The following PTPRG variants were observed in gnomAD, a reference collection of about 807,000 sequenced individuals.
PTPRG encodes receptor-type tyrosine-protein phosphatase gamma.
PTPRG carries 102 observed loss-of-function variants against 165.3 expected under a neutral mutation model. The observed-to-expected ratio is 0.62, with a 90% CI of 0.53 to 0.73. The LOEUF is 0.73. Among genes scored for constraint, PTPRG ranks in the 30% least tolerant of loss-of-function variants. PTPRG has a pLI of 0.00. For missense variants in PTPRG, 1,866 were observed against 1,861.4 expected (o/e 1.00, Z -0.05); for synonymous variants, 675 against 669.5 (o/e 1.01, Z -0.13).
At chr3:61,954,465 C>G (rs2039988482) in intron 2 of PTPRG, among the ~76,000 whole-genome samples, 1 of 152,250 alleles carries the variant, frequency 6.6e-6, no homozygotes, top group African/African-American at 2.4e-5. Flanking sequence ...ACCATCTGCT[C>G]TCATCACTTT....
intron 1 of PTPRG, among the ~76,000 whole-genome samples, chr3:61,627,437 T>A (rs1474532765): frequency 6.6e-6 from 1 of 152,212 alleles, no homozygotes; most frequent in Non-Finnish European, 1.5e-5. Context: ...CATAATGACT[T>A]ACCTGTGTTC....
intron 1 of PTPRG, among the ~76,000 whole-genome samples, chr3:61,625,278 A>G (rs1027262380): frequency 2.3e-5 from 3 of 127,770 alleles, no homozygotes; most frequent in Non-Finnish European, 5.0e-5. Context: ...TTATCAGTCA[A>G]ACTTTAGTCT....
At chr3:62,184,974 C>A (rs972043763) in intron 8 of PTPRG, among the ~76,000 whole-genome samples, 1 of 148,454 alleles carries the variant, frequency 6.7e-6, no homozygotes, top group Non-Finnish European at 1.5e-5. Flanking sequence ...GACTTTCAGA[C>A]AGAGCATATC....
intron 1 of PTPRG, among the ~76,000 whole-genome samples, chr3:61,616,397 A>C (rs116402706): frequency 0.016 from 2,467 of 152,270 alleles, 64 homozygotes; most frequent in African/African-American, 0.056. Flanking sequence ...TAACATTCAC[A>C]AGTTCAACAA....
chr3:62,221,698 T>C (rs1220894273), intron 13 of PTPRG, among the ~76,000 whole-genome samples: 1 of 152,220 alleles, frequency 6.6e-6, no homozygotes, highest in Non-Finnish European at 1.5e-5. Flanking sequence ...GATCATTTCT[T>C]CAGGAGGCAG....
At chr3:62,184,425 C>T (rs770033938) in intron 8 of PTPRG, among the ~76,000 whole-genome samples, 1 of 152,176 alleles carries the variant, frequency 6.6e-6, no homozygotes, top group Non-Finnish European at 1.5e-5. Flanking sequence ...TCTGTGTTTA[C>T]CTAGACCTCT....
intron 4 of PTPRG, among the ~76,000 whole-genome samples, chr3:62,026,879 T>TTAAAAAAAAAAAA (rs1260741192): frequency 2.1e-5 from 2 of 94,724 alleles, no homozygotes; most frequent in African/African-American, 9.6e-5. Context: ...GAGTGAGAAT[T>TTAAAAAAAAAAAA]AAAAAAAAAA....
At chr3:62,161,013 C>G (rs575443641) in intron 7 of PTPRG, among the ~76,000 whole-genome samples, 1 of 151,946 alleles carries the variant, frequency 6.6e-6, no homozygotes, top group African/African-American at 2.4e-5. Context: ...GGCAAACTGC[C>G]TGGGTTCCAT....
chr3:62,291,163 AC>A (rs2148903787), intron 28 of PTPRG, among the ~76,000 whole-genome samples: 1 of 152,214 alleles, frequency 6.6e-6, no homozygotes, highest in South Asian at 2.1e-4. Flanking sequence ...GTAAATTAAA[AC>A]CCTAGTAAGA....
At chr3:62,244,970 G>A (rs138532995) in intron 15 of PTPRG, among the ~76,000 whole-genome samples, 6 of 152,256 alleles carry the variant, frequency 3.9e-5, no homozygotes, top group Non-Finnish European at 7.4e-5. Flanking sequence ...ACTACGTGTG[G>A]TTATGGTTGT....
chr3:62,158,479 G>T (rs887177274), intron 7 of PTPRG, among the ~76,000 whole-genome samples: 1 of 152,100 alleles, frequency 6.6e-6, no homozygotes. Context: ...GACCTTCTGG[G>T]TCTTATGTCA....
intron 1 of PTPRG, among the ~76,000 whole-genome samples, chr3:61,694,093 T>C (rs2030406479): frequency 6.6e-6 from 1 of 150,968 alleles, no homozygotes; most frequent in Admixed American, 6.6e-5. Flanking sequence ...GAGTAGGGGA[T>C]GAACCAGCTG....
rs199500194 is a variant in PTPRG, at chr3:61,842,684, C to CAAAA, written c.190+93718_190+93721dup. On this transcript the variant is annotated intron_variant, in intron 2 of 29. Transcript: ENST00000474889. ...CCCTCTCAGGGCAATGTATGTGTGGCAAAAAAAAAAAAAAAAAAAGAAAAA... is the reference window on the plus strand; with the variant it reads ...CCCTCTCAGGGCAATGTATGTGTGGCAAAAAAAAAAAAAAAAAAAAAAAGAAAAA... Among the ~76,000 whole-genome samples, 138 of 121,584 alleles carry CAAAA rather than the reference C, an allele frequency of 1.1e-3. 1 individual carries two copies. Among genetic ancestry groups the CAAAA allele is most frequent in the African/African-American group, 3.1e-3 (98 of 32,118 alleles). The allele number at this position is 121,584 out of a possible 152,430, so 79.8% of individuals were successfully genotyped here. A position where few individuals can be genotyped will look rare whatever the true frequency, so the allele number is the denominator to read the frequency against.
chr3:61,752,229 G>C (rs919192623), intron 2 of PTPRG, among the ~76,000 whole-genome samples: 1 of 152,082 alleles, frequency 6.6e-6, no homozygotes, highest in African/African-American at 2.4e-5. Context: ...TTGGGCATGA[G>C]GGTTAAGCAG....
chr3:62,126,377 T>G (rs1476064957), intron 5 of PTPRG, among the ~76,000 whole-genome samples: 1 of 152,226 alleles, frequency 6.6e-6, no homozygotes, highest in Non-Finnish European at 1.5e-5. Context: ...CTAGTTTCCA[T>G]TAATATTATG....
chr3:61,679,263 G>C (rs1196551732), intron 1 of PTPRG, among the ~76,000 whole-genome samples: 1 of 152,182 alleles, frequency 6.6e-6, no homozygotes, highest in Admixed American at 6.5e-5. Flanking sequence ...GAGCCCAACT[G>C]CGCATTGGGT....
At chr3:61,760,843 A>C (rs1405046725) in intron 2 of PTPRG, among the ~76,000 whole-genome samples, 3 of 152,022 alleles carry the variant, frequency 2.0e-5, no homozygotes, top group Non-Finnish European at 2.9e-5. Context: ...AAGAACATGC[A>C]GTGTTTGGTT....
At chr3:61,859,020 A>C (rs953481207) in intron 2 of PTPRG, among the ~76,000 whole-genome samples, 1 of 152,144 alleles carries the variant, frequency 6.6e-6, no homozygotes, top group Non-Finnish European at 1.5e-5. Context: ...AAAGTTGCTG[A>C]GTGAATATTT....
intron 8 of PTPRG, among the ~76,000 whole-genome samples, chr3:62,185,902 C>T (rs1312793228): frequency 6.6e-6 from 1 of 152,190 alleles, no homozygotes; most frequent in African/African-American, 2.4e-5. Context: ...ATGGGTCTGG[C>T]TCCAAAGCCC....
Sources: allele counts gnomAD v4.1 joint callset (sites outside exome capture counted in the v4.1 genomes callset), GRCh38; gene constraint gnomAD v4.1.1; transcripts MANE v1.5; gene names NCBI Gene and HGNC (gene_info 2026-07-23, HGNC 2026-07-21).